DOCK7: variants seen among roughly 807,000 people sequenced by gnomAD.
The protein encoded by DOCK7 is dedicator of cytokinesis 7.
A neutral mutation model predicts 271.0 loss-of-function variants in DOCK7; 138 were observed. The ratio of observed to expected loss-of-function variants is 0.51; its 90% confidence interval spans 0.44 to 0.59. The LOEUF is 0.59. DOCK7 is among the 20% of genes least tolerant of loss of function. DOCK7 has a pLI of 0.00. For missense variants in DOCK7, 2,066 were observed against 2,592.4 expected, an observed-to-expected ratio of 0.80 and a Z score of 4.41; for synonymous variants, 823 against 876.1, an observed-to-expected ratio of 0.94 and a Z score of 1.07.
chr1:62,504,754 G>C lies in DOCK7; in HGVS notation c.4640C>G (p.Thr1547Arg). 6.2e-7 allele frequency: 1 copy of C among 1,613,896 alleles called. No homozygotes were observed. The highest frequency in any genetic ancestry group is 1.1e-5 in the South Asian group (1 of 91,034). ...GAGGCATAAATCAGCACACTGCTCT[G>C]TCTCTTCTTCAAATAAGAGTTCAGG... is the stretch of plus-strand genomic sequence containing the variant. ...KFPELLFEEE[T>R]EQCADLCLRL... The change falls in exon 37 of 50, where the codon ACA (threonine) becomes AGA (arginine). Residue 1547 changes from threonine (T) to arginine (R), a missense_variant. Physicochemically the swap from Thr to Arg is moderately conservative, Grantham distance 71. This residue lies in a region of DOCK7 where 652 missense variants were observed against 922.1 expected (regional missense o/e 0.71). Transcript: ENST00000635253.
At chr1:62,510,911 G>T in intron 33 of DOCK7, 1 of 397,978 alleles carries the variant, frequency 2.5e-6, no homozygotes, top group Admixed American at 4.2e-5. Flanking sequence ...ACTTAAATAA[G>T]CAAATGTTCT....
chr1:62,633,474 G>A (rs1471982146), intron 10 of DOCK7, 24 bp downstream of exon 10: 6 of 1,549,266 alleles, frequency 3.9e-6, no homozygotes, highest in South Asian at 1.1e-5. Context: ...TAATGTGGCG[G>A]AAATGAGAAG....
In DOCK7 at chr1:62,559,445, A is replaced by AT. The variant is rs34120210; in HGVS notation, c.2200-226dup. 0.21 allele frequency among the ~76,000 whole-genome samples: 31,266 copies of AT among 148,176 alleles called. 3,678 individuals carry two copies. The highest frequency in any genetic ancestry group is 0.27 in the Non-Finnish European group (18,165 of 66,848). The stretch of plus-strand genomic sequence containing the variant: ...CTTAAGAAAACTGATACTAATTAAG[A>AT]TTTTTTTTTTTTAGTTTTAGTTTGC... On this transcript the variant is annotated intron_variant, in intron 19 of 49. Coordinates refer to ENST00000635253, the MANE Select transcript of DOCK7 (RefSeq NM_001367561.1).
intron 1 of DOCK7, among the ~76,000 whole-genome samples, chr1:62,675,822 C>A (rs1260217382): frequency 1.3e-5 from 2 of 151,066 alleles, no homozygotes; most frequent in East Asian, 3.9e-4. Context: ...ATTAGGAAAA[C>A]ACAAATTTAA....
At chr1:62,457,507 A>T in intron 49 of DOCK7, 31 bp downstream of exon 49, 1 of 1,593,560 alleles carries the variant, frequency 6.3e-7, no homozygotes, top group Non-Finnish European at 8.6e-7. Context: ...CAGAGGAAAG[A>T]ATATCTAAAA....
intron 22 of DOCK7, among the ~76,000 whole-genome samples, chr1:62,547,896 T>A (rs1645763118): frequency 6.6e-6 from 1 of 152,174 alleles, no homozygotes; most frequent in African/African-American, 2.4e-5. Flanking sequence ...GAATAAAATA[T>A]AACCAAAACT....
chr1:62,469,153 T>A (rs1388502478), intron 48 of DOCK7, among the ~76,000 whole-genome samples: 1 of 152,144 alleles, frequency 6.6e-6, no homozygotes, highest in African/African-American at 2.4e-5. Flanking sequence ...AGGCATCACA[T>A]TACCTGATTT....
At chr1:62,637,144 A>G (rs1655374328) in intron 7 of DOCK7, among the ~76,000 whole-genome samples, 1 of 152,212 alleles carries the variant, frequency 6.6e-6, no homozygotes, top group Non-Finnish European at 1.5e-5. Context: ...CACAGTATAC[A>G]TAATTTGTAG....
At chr1:62,576,582 T>C (rs1032080179) in intron 18 of DOCK7, among the ~76,000 whole-genome samples, 11 of 152,220 alleles carry the variant, frequency 7.2e-5, no homozygotes, top group South Asian at 4.1e-4. Context: ...TGAAAACAAA[T>C]AGCACCAGGA....
intron 14 of DOCK7, among the ~76,000 whole-genome samples, chr1:62,613,817 A>G (rs934741366): frequency 6.6e-6 from 1 of 152,110 alleles, no homozygotes; most frequent in Admixed American, 6.6e-5. Flanking sequence ...TAAATACAAT[A>G]TGGAAATATT....
At chr1:62,642,496 C>A (rs1485846385) in intron 7 of DOCK7, among the ~76,000 whole-genome samples, 1 of 152,088 alleles carries the variant, frequency 6.6e-6, no homozygotes, top group Non-Finnish European at 1.5e-5. Context: ...TCTCCTTTGC[C>A]TATAATTTAC....
At chr1:62,549,672 T>C (rs1645829152) in intron 22 of DOCK7, among the ~76,000 whole-genome samples, 2 of 152,200 alleles carry the variant, frequency 1.3e-5, no homozygotes, top group South Asian at 4.1e-4. Context: ...TATACACTTC[T>C]AGTTATTTTT....
chr1:62,504,677 T>C lies in DOCK7; in HGVS notation c.4717A>G (p.Ser1573Gly), dbSNP rs376119113. The C allele has an allele frequency of 3.0e-5, 48 of 1,613,976 alleles. No individual in the cohort carries two copies. The Middle Eastern group carries it at 8.2e-4, about 28-fold the overall frequency. ...CTCATTAGTAGGTAAAGGGAGGCAC[T>C]GGCGTGTGACCGTATTGTACCGATG... ...SSIGTIRSHASASLYLLMRQN... is the reference protein window; with the variant it reads ...SSIGTIRSHAGASLYLLMRQN... Residue 1573 changes from serine to glycine, a missense_variant, in exon 37 of 50, where the codon AGT (serine) becomes GGT (glycine). Ser to Gly is a moderately conservative substitution (Grantham distance 56). This residue lies in a region of DOCK7 where 652 missense variants were observed against 922.1 expected (regional missense o/e 0.71). Coordinates refer to ENST00000635253, the MANE Select transcript of DOCK7 (RefSeq NM_001367561.1).
At chr1:62,675,184 C>T (rs938972846) in intron 1 of DOCK7, among the ~76,000 whole-genome samples, 4 of 151,996 alleles carry the variant, frequency 2.6e-5, no homozygotes, top group Admixed American at 2.0e-4. Flanking sequence ...GCAGGCTGAG[C>T]GGGGAGGATC....
intron 1 of DOCK7, among the ~76,000 whole-genome samples, chr1:62,683,463 C>T (rs2149782111): frequency 6.6e-6 from 1 of 152,282 alleles, no homozygotes; most frequent in Non-Finnish European, 1.5e-5. Context: ...AAGATTTTCC[C>T]TCAGAAATAA....
At chr1:62,606,334 C>T (rs1436181680) in intron 14 of DOCK7, among the ~76,000 whole-genome samples, 1 of 151,022 alleles carries the variant, frequency 6.6e-6, no homozygotes, top group Non-Finnish European at 1.5e-5. Context: ...AAAAAACTCT[C>T]ATAGGACATG....
intron 22 of DOCK7, among the ~76,000 whole-genome samples, chr1:62,550,899 T>C (rs1287540449): frequency 6.6e-6 from 1 of 152,084 alleles, no homozygotes; most frequent in African/African-American, 2.4e-5. Flanking sequence ...TTTTGTATTT[T>C]TAGTAGAGGC....
intron 22 of DOCK7, among the ~76,000 whole-genome samples, chr1:62,551,512 A>G (rs2149419142): frequency 6.6e-6 from 1 of 152,292 alleles, no homozygotes; most frequent in East Asian, 1.9e-4. Flanking sequence ...GTGGAGTGGA[A>G]AACAAGATCA....
chr1:62,604,298 G>A (rs1650617388), intron 14 of DOCK7: 1 of 1,576,010 alleles, frequency 6.3e-7, no homozygotes, highest in East Asian at 2.2e-5. Context: ...CACATTATTA[G>A]CTATTATCTG....
Sources: allele counts gnomAD v4.1 joint callset (sites outside exome capture counted in the v4.1 genomes callset), GRCh38; gene constraint gnomAD v4.1.1; regional missense constraint gnomAD v4.1.1; transcripts MANE v1.5; gene names NCBI Gene and HGNC (gene_info 2026-07-23, HGNC 2026-07-21).